GRIA1: variants seen among roughly 807,000 people sequenced by gnomAD.
The protein encoded by GRIA1 is glutamate ionotropic receptor AMPA type subunit 1.
A neutral mutation model predicts 99.2 loss-of-function variants in GRIA1; 31 were observed. The observed-to-expected ratio is 0.31, with a 90% CI of 0.23 to 0.42. GRIA1 has a LOEUF of 0.42. Among genes scored for constraint, GRIA1 ranks in the 10% least tolerant of loss-of-function variants. The pLI, the probability that GRIA1 is intolerant of heterozygous loss-of-function variation, is 1.00. For synonymous variants in GRIA1, 438 were observed against 432.4 expected (o/e 1.01, Z -0.16); for missense variants, 782 against 1,157.5 (o/e 0.68, Z 4.71).
chr5:153,796,059 G>T (rs1266202793), intron 14 of GRIA1, among the ~76,000 whole-genome samples: 2 of 131,494 alleles, frequency 1.5e-5, no homozygotes, highest in Non-Finnish European at 1.6e-5. Flanking sequence ...CAGCTGGCAT[G>T]ATCCCTCACC....
chr5:153,495,648 C>T (rs1754339588), intron 2 of GRIA1, among the ~76,000 whole-genome samples: 1 of 152,174 alleles, frequency 6.6e-6, no homozygotes, highest in Admixed American at 6.5e-5. Context: ...AGCAATTCTT[C>T]ATTTTGGTAA....
intron 11 of GRIA1, among the ~76,000 whole-genome samples, chr5:153,761,997 G>T (rs913216863): frequency 6.6e-6 from 1 of 152,156 alleles, no homozygotes; most frequent in African/African-American, 2.4e-5. Flanking sequence ...GTAAAACAGT[G>T]GTTCCAGAGG....
intron 2 of GRIA1, among the ~76,000 whole-genome samples, chr5:153,589,962 G>T (rs1763812095): frequency 6.6e-6 from 1 of 152,120 alleles, no homozygotes; most frequent in Non-Finnish European, 1.5e-5. Context: ...GTCACAAATG[G>T]TGTTTTGGAG....
intron 11 of GRIA1, among the ~76,000 whole-genome samples, chr5:153,760,760 C>T (rs1344324100): frequency 6.6e-6 from 1 of 152,134 alleles, no homozygotes; most frequent in Admixed American, 6.5e-5. Flanking sequence ...CACCACACTA[C>T]CTGACTTCAA....
chr5:153,694,869 G>A (rs1757983876), intron 8 of GRIA1, among the ~76,000 whole-genome samples: 1 of 151,990 alleles, frequency 6.6e-6, no homozygotes, highest in African/African-American at 2.4e-5. Flanking sequence ...TAAACCTGTG[G>A]ACTAATTGTG....
At chr5:153,721,905 A>G (rs551352913) in intron 11 of GRIA1, among the ~76,000 whole-genome samples, 15 of 152,228 alleles carry the variant, frequency 9.9e-5, no homozygotes, top group African/African-American at 3.1e-4. Flanking sequence ...ACTTATATAT[A>G]TTTTCTATTG....
intron 5 of GRIA1, among the ~76,000 whole-genome samples, chr5:153,666,334 CAAAGAGA>C (rs894643133): frequency 6.6e-6 from 1 of 152,188 alleles, no homozygotes; most frequent in Admixed American, 6.5e-5. Context: ...CCTGCACGTT[CAAAGAGA>C]AAGCTAGGAG....
chr5:153,555,963 C>A (rs1368101544), intron 2 of GRIA1, among the ~76,000 whole-genome samples: 2 of 152,204 alleles, frequency 1.3e-5, no homozygotes, highest in East Asian at 1.9e-4. Flanking sequence ...GCATTTAGAG[C>A]AGCAGGCACT....
In GRIA1 at chr5:153,528,851, C is replaced by A. The variant is rs564947283; in HGVS notation, c.220+34786C>A. ...TTGTCTCACTGGTCCCTGGCCCAGTCTGTCAATCAGCTGACATCACTGCCC... is the reference window on the plus strand; with the variant it reads ...TTGTCTCACTGGTCCCTGGCCCAGTATGTCAATCAGCTGACATCACTGCCC... On this transcript the variant is annotated intron_variant, in intron 2 of 15. Transcript: ENST00000285900. Among the ~76,000 whole-genome samples the A allele has an allele frequency of 1.7e-3, 257 of 152,314 alleles. 2 individuals carry two copies. The highest frequency in any genetic ancestry group is 5.7e-3 in the African/African-American group (235 of 41,572).
chr5:153,666,053 C>T (rs1755720363), intron 5 of GRIA1, among the ~76,000 whole-genome samples: 1 of 152,166 alleles, frequency 6.6e-6, no homozygotes, highest in Non-Finnish European at 1.5e-5. Flanking sequence ...TTTCCTGACA[C>T]TTCTTATTTA....
chr5:153,795,005 C>T (rs1265038761), intron 14 of GRIA1, among the ~76,000 whole-genome samples: 1 of 152,162 alleles, frequency 6.6e-6, no homozygotes, highest in Non-Finnish European at 1.5e-5. Flanking sequence ...GACATTGTGC[C>T]TGGACCTTCT....
At chr5:153,734,025 A>G (rs1367153817) in intron 11 of GRIA1, among the ~76,000 whole-genome samples, 1 of 152,244 alleles carries the variant, frequency 6.6e-6, no homozygotes, top group African/African-American at 2.4e-5. Context: ...GACTATATGC[A>G]GAACATTCCA....
At chr5:153,749,779 A>C (rs1200804751) in intron 11 of GRIA1, among the ~76,000 whole-genome samples, 1 of 151,628 alleles carries the variant, frequency 6.6e-6, no homozygotes, top group African/African-American at 2.4e-5. Context: ...GAATAAATGA[A>C]TGAATCTACA....
chr5:153,631,578 C>A (rs145701515), intron 2 of GRIA1, among the ~76,000 whole-genome samples: 1 of 151,994 alleles, frequency 6.6e-6, no homozygotes, highest in Non-Finnish European at 1.5e-5. Flanking sequence ...ATCAGAGAGA[C>A]GACTCTAAGG....
At chr5:153,679,073 A>G (rs1756792553) in intron 7 of GRIA1, among the ~76,000 whole-genome samples, 1 of 152,212 alleles carries the variant, frequency 6.6e-6, no homozygotes, top group Non-Finnish European at 1.5e-5. Flanking sequence ...AGCAGTTTCC[A>G]TAGTCAAAAG....
At chr5:153,623,200 G>T (rs1010056328) in intron 2 of GRIA1, among the ~76,000 whole-genome samples, 2 of 152,060 alleles carry the variant, frequency 1.3e-5, no homozygotes, top group East Asian at 1.9e-4. Context: ...GTGAATACTC[G>T]GTGAGCACTG....
chr5:153,743,495 T>G (rs1017647836), intron 11 of GRIA1, among the ~76,000 whole-genome samples: 2 of 152,002 alleles, frequency 1.3e-5, no homozygotes, highest in African/African-American at 4.8e-5. Flanking sequence ...GATATAAGAC[T>G]GAAATCCCCA....
At chr5:153,538,632 G>A (rs1160023998) in intron 2 of GRIA1, among the ~76,000 whole-genome samples, 2 of 152,154 alleles carry the variant, frequency 1.3e-5, no homozygotes, top group African/African-American at 2.4e-5. Context: ...TGCAATCTTG[G>A]AGGTTTAGAA....
intron 14 of GRIA1, among the ~76,000 whole-genome samples, chr5:153,796,392 A>G (rs1765649170): frequency 6.6e-6 from 1 of 152,230 alleles, no homozygotes; most frequent in African/African-American, 2.4e-5. Context: ...CTACTATCAC[A>G]AGTAGAAAGT....
Sources: gnomAD v4.1 joint callset for allele counts (sites outside exome capture counted in the v4.1 genomes callset) on GRCh38, gnomAD v4.1.1 for gene constraint, MANE v1.5 for transcripts, NCBI Gene and HGNC (gene_info 2026-07-23, HGNC 2026-07-21) for gene names.